Variants in RNGTT observed in about 807,000 individuals in gnomAD.
The protein encoded by RNGTT is mRNA-capping enzyme.
A neutral mutation model predicts 79.3 loss-of-function variants in RNGTT; 33 were observed. The observed-to-expected ratio is 0.42, with a 90% confidence interval of 0.32 to 0.56. The LOEUF (loss-of-function observed/expected upper bound fraction) is 0.56. Among genes scored for constraint, RNGTT ranks in the 20% least tolerant of loss-of-function variants. The probability of loss-of-function intolerance (pLI) is 0.17; values close to 1 mark genes in which losing one functional copy is unlikely to be tolerated. For synonymous variants in RNGTT, 222 were observed against 235.9 expected (o/e 0.94, Z 0.54); for missense variants, 497 against 739.1 (o/e 0.67, Z 3.80).
intron 14 of RNGTT, among the ~76,000 whole-genome samples, chr6:88,647,704 A>AAAAAAAAAAAG (rs1773626339): frequency 1.4e-5 from 2 of 147,172 alleles, no homozygotes; most frequent in African/African-American, 5.2e-5. Context: ...ACCCTGTTAA[A>AAAAAAAAAAAG]AAAAAAAAAA....
chr6:88,860,139 C>T (rs970998325), intron 8 of RNGTT, among the ~76,000 whole-genome samples: 1 of 152,064 alleles, frequency 6.6e-6, no homozygotes, highest in Admixed American at 6.6e-5. Flanking sequence ...ACAGTAGTAA[C>T]AATAATTTTA....
At chr6:88,840,930 A>G (rs1194521718) in intron 11 of RNGTT, among the ~76,000 whole-genome samples, 3 of 152,204 alleles carry the variant, frequency 2.0e-5, no homozygotes, top group Non-Finnish European at 2.9e-5. Context: ...CATTTTCTTA[A>G]ATGCTGAACT....
chr6:88,672,711 AT>A (rs1476659192), intron 14 of RNGTT, among the ~76,000 whole-genome samples: 1 of 152,164 alleles, frequency 6.6e-6, no homozygotes, highest in Non-Finnish European at 1.5e-5. Context: ...TAAAGTAATA[AT>A]TTTTCAAAAA....
chr6:88,847,060 A>T (rs188852556), intron 10 of RNGTT, among the ~76,000 whole-genome samples: 66 of 152,322 alleles, frequency 4.3e-4, no homozygotes, highest in African/African-American at 1.4e-3. Flanking sequence ...CAAATACATT[A>T]AAAAATGCCT....
intron 11 of RNGTT, among the ~76,000 whole-genome samples, chr6:88,829,715 A>C (rs1352132771): frequency 2.0e-5 from 3 of 151,018 alleles, no homozygotes; most frequent in Non-Finnish European, 3.0e-5. Flanking sequence ...AAAAAAAAAA[A>C]AAAAAAAAAC....
In RNGTT at chr6:88,826,824, G is replaced by GTATATA. The variant is rs372174983; in HGVS notation, c.1269+17527_1269+17532dup. ...AATATATATATATATATATGTGTGTGTATATATATATATATATATATGTGT... is the reference window on the plus strand; with the variant it reads ...AATATATATATATATATATGTGTGTGTATATATATATATATATATATATATATGTGT... On this transcript the variant is annotated intron_variant, in intron 11 of 15. Coordinates refer to ENST00000369485, the MANE Select transcript of RNGTT (RefSeq NM_003800.5). Among the ~76,000 whole-genome samples the GTATATA allele has an allele frequency of 1.0e-3, 135 of 129,204 alleles. 3 individuals carry two copies. Among genetic ancestry groups the GTATATA allele is most frequent in the Middle Eastern group, 4.2e-3 (1 of 240 alleles). 84.8% of individuals were successfully genotyped at this position (129,204 alleles called of 152,430 possible).
At chr6:88,892,947 C>T (rs1783098638) in intron 6 of RNGTT, among the ~76,000 whole-genome samples, 1 of 152,030 alleles carries the variant, frequency 6.6e-6, no homozygotes, top group Non-Finnish European at 1.5e-5. Context: ...TTTTGAAGCA[C>T]TTTTTGTACT....
chr6:88,727,189 T>C (rs537179309), intron 13 of RNGTT, among the ~76,000 whole-genome samples: 1 of 152,288 alleles, frequency 6.6e-6, no homozygotes, highest in East Asian at 1.9e-4. Flanking sequence ...AATTTAAAAG[T>C]AATTAGGCCT....
intron 13 of RNGTT, among the ~76,000 whole-genome samples, chr6:88,679,233 C>T (rs1401230050): frequency 1.3e-5 from 2 of 152,142 alleles, no homozygotes; most frequent in African/African-American, 4.8e-5. Flanking sequence ...AACAGAGAAA[C>T]TCACCATTGG....
At chr6:88,688,916 T>C (rs1052508381) in intron 13 of RNGTT, among the ~76,000 whole-genome samples, 1 of 152,202 alleles carries the variant, frequency 6.6e-6, no homozygotes, top group Non-Finnish European at 1.5e-5. Context: ...TTCTCTTCCT[T>C]GTTATTTTCT....
At chr6:88,742,648 G>C (rs1459825991) in intron 13 of RNGTT, among the ~76,000 whole-genome samples, 2 of 152,124 alleles carry the variant, frequency 1.3e-5, no homozygotes, top group African/African-American at 4.8e-5. Flanking sequence ...GACAAGGCTT[G>C]GAAGAGTTAG....
intron 1 of RNGTT, 137 bp from the exon 2 acceptor site, chr6:88,941,317 G>C: frequency 3.4e-6 from 2 of 587,532 alleles, no homozygotes; most frequent in South Asian, 4.5e-5. Context: ...CCCCAGGATA[G>C]AGTGCAGTGG....
intron 2 of RNGTT, among the ~76,000 whole-genome samples, chr6:88,934,365 G>A (rs113322949): frequency 4.6e-5 from 7 of 151,896 alleles, no homozygotes; most frequent in African/African-American, 1.7e-4. Context: ...GGTGCAAGAT[G>A]ATATTTCATT....
rs564070567 is a variant in RNGTT at position 88,827,557 on chromosome 6, G to A, written c.1269+16800C>T. 1.2e-4 allele frequency among the ~76,000 whole-genome samples: 18 copies of A among 152,274 alleles called. 1 individual carries two copies. The South Asian group carries it at 3.7e-3, about 32-fold the overall frequency. On this transcript the variant is annotated intron_variant, in intron 11 of 15. Transcript: ENST00000369485. ...GCAAGACAGAACTGTTCACTCCCCTGGAAAGGCGGCTGAAGCCAGGGAGCC... is the reference window on the plus strand; with the variant it reads ...GCAAGACAGAACTGTTCACTCCCCTAGAAAGGCGGCTGAAGCCAGGGAGCC...
At chr6:88,844,234 C>T (rs1159878326) in intron 11 of RNGTT, 123 bp downstream of exon 11, 6 of 892,312 alleles carry the variant, frequency 6.7e-6, no homozygotes, top group Non-Finnish European at 1.0e-5. Context: ...CAGCGCTATA[C>T]CCAATTCGAG....
chr6:88,646,115 C>T lies in RNGTT; in HGVS notation c.1507-31720G>A, dbSNP rs554738866. ...TACTCATCTGACAAAGGGCTAATAT[C>T]CAGAATCTACAAAGAACTCAAACAA... On this transcript the variant is annotated intron_variant, in intron 14 of 15. Coordinates refer to ENST00000369485, the MANE Select transcript of RNGTT (RefSeq NM_003800.5). Among the ~76,000 whole-genome samples the T allele has an allele frequency of 1.3e-3, 191 of 152,240 alleles. 5 individuals are homozygous for T. The highest frequency in any genetic ancestry group is 4.4e-3 in the African/African-American group (184 of 41,536).
At position 88,765,008 on chromosome 6, in the gene RNGTT, C is replaced by T. The variant is rs576012434; in HGVS notation, c.1439+4766G>A. ...GAGATCGAGACCATCCTGGCTAACA[C>T]GGTGAAACCCCGTCTCTACTAAAAA... On this transcript the variant is annotated intron_variant, in intron 13 of 15. Transcript: ENST00000369485. Among the ~76,000 whole-genome samples the T allele has an allele frequency of 7.2e-5, 11 of 151,918 alleles. No individual in the cohort carries two copies. In the East Asian group the frequency reaches 1.2e-3, roughly 16 times the overall value.
intron 8 of RNGTT, 74 bp from the exon 9 acceptor site, chr6:88,853,838 G>T: frequency 1.1e-6 from 1 of 888,972 alleles, no homozygotes. Context: ...ATAACATACT[G>T]GTTTTCCATA....
chr6:88,669,621 T>C (rs1171343993), intron 14 of RNGTT, among the ~76,000 whole-genome samples: 1 of 152,206 alleles, frequency 6.6e-6, no homozygotes, highest in East Asian at 1.9e-4. Flanking sequence ...GCAAACTGTT[T>C]GGGCCCATCC....
Sources: allele counts gnomAD v4.1 joint callset (sites outside exome capture counted in the v4.1 genomes callset), GRCh38; gene constraint gnomAD v4.1.1; transcripts MANE v1.5; gene names NCBI Gene and HGNC (gene_info 2026-07-23, HGNC 2026-07-21).